TKFC: variants seen among roughly 807,000 people sequenced by gnomAD.
TKFC encodes the protein triokinase/FMN cyclase.
In TKFC, 46 loss-of-function variants were observed where a neutral mutation model predicts 61.0. The ratio of observed to expected loss-of-function variants is 0.75; its 90% CI spans 0.60 to 0.96. The LOEUF (loss-of-function observed/expected upper bound fraction) is 0.96, where lower values mean the gene tolerates loss of function less well. Among genes scored for constraint, TKFC ranks in the 50% least tolerant of loss-of-function variants. The pLI is 0.00. For synonymous variants in TKFC, 314 were observed against 330.1 expected, an observed-to-expected ratio of 0.95 and a Z score of 0.53; for missense variants, 715 against 777.5, an observed-to-expected ratio of 0.92 and a Z score of 0.96.
Position 61,348,101 on chromosome 11 carries a change from C to T in TKFC, c.*1598C>T, listed in dbSNP as rs1590589238. On this transcript the variant is annotated 3_prime_UTR_variant, in exon 18 of 18. Transcript: ENST00000394900. ...CCATACGTCCCTGACCACAAGGCAT[C>T]CACGTGCACAGGAGTATGCGCCCAG... is the stretch of plus-strand genomic sequence containing the variant. 1.0e-6 allele frequency: 1 copy of T among 985,466 alleles called. No homozygotes were observed. Among genetic ancestry groups the T allele is most frequent in the East Asian group, 1.1e-4 (1 of 8,816 alleles). The allele number at this position is 985,466 out of a possible 1,614,324, so 61.0% of individuals were successfully genotyped here.
At position 61,339,401 on chromosome 11, in the gene TKFC, G is replaced by A. The variant is rs765055346; in HGVS notation, c.452G>A (p.Arg151Gln). The change falls in exon 5 of 18, where the codon CGG (arginine) becomes CAG (glutamine). Residue 151 changes from arginine to glutamine, a missense_variant. Transcript: ENST00000394900. Reference sequence around the variant, plus strand: ...TTCACTGTCCTGAAGAAGGCAGGCCGGCGGGGGCTGTGCGGCACGGTGCTT... The same window carrying A: ...TTCACTGTCCTGAAGAAGGCAGGCCAGCGGGGGCTGTGCGGCACGGTGCTT... ...SAFTVLKKAG[R>Q]RGLCGTVLIH... 15 of 1,612,920 alleles carry A rather than the reference G, an allele frequency of 9.3e-6. No homozygotes were observed. Among genetic ancestry groups the A allele is most frequent in the East Asian group, 8.9e-5 (4 of 44,894 alleles).
chr11:61,347,584 T>A lies in TKFC; in HGVS notation c.*1081T>A, dbSNP rs973207842. On this transcript the variant is annotated 3_prime_UTR_variant, in exon 18 of 18. Coordinates refer to ENST00000394900, the MANE Select transcript of TKFC (RefSeq NM_015533.4). Reference sequence around the variant, plus strand: ...AAGAAACTGCAGCCAAGCCAGCCCCTAGGTCTCTTTCTAGAGCGATCACTG... The same window carrying A: ...AAGAAACTGCAGCCAAGCCAGCCCCAAGGTCTCTTTCTAGAGCGATCACTG... 28 of 982,910 alleles carry A rather than the reference T, an allele frequency of 2.8e-5. No individual in the cohort carries two copies. The highest frequency in any genetic ancestry group is 3.3e-5 in the Non-Finnish European group (27 of 829,908). The allele number at this position is 982,910 out of a possible 1,614,324, so 60.9% of individuals were successfully genotyped here. A position where few individuals can be genotyped will look rare whatever the true frequency, so the allele number is the denominator to read the frequency against.
rs779478150 is a variant in TKFC, at chr11:61,339,407, G to A, written c.458G>A (p.Gly153Glu). 6.2e-7 allele frequency: 1 copy of A among 1,612,878 alleles called. No individual in the cohort carries two copies. The highest frequency in any genetic ancestry group is 8.5e-7 in the Non-Finnish European group (1 of 1,179,778). Reference protein sequence around the residue: ...FTVLKKAGRRGLCGTVLIHKV... With the variant: ...FTVLKKAGRRELCGTVLIHKV... ...GTCCTGAAGAAGGCAGGCCGGCGGGGGCTGTGCGGCACGGTGCTTATACAC... is the reference window on the plus strand; with the variant it reads ...GTCCTGAAGAAGGCAGGCCGGCGGGAGCTGTGCGGCACGGTGCTTATACAC... Residue 153 changes from glycine (G) to glutamate (E), a missense_variant, in exon 5 of 18, where the codon GGG becomes GAG. Physicochemically the swap from Gly to Glu is moderately conservative, Grantham distance 98. Transcript: ENST00000394900.
chr11:61,349,608 GA>G (rs1361369353), downstream of TKFC: 1 of 702,994 alleles, frequency 1.4e-6, no homozygotes, highest in Non-Finnish European at 2.6e-6. Context: ...AAGTCACAGG[GA>G]AAGGCCGGGA....
At chr11:61,342,134 C>T (rs1258265899) in intron 7 of TKFC, among the ~76,000 whole-genome samples, 1 of 152,222 alleles carries the variant, frequency 6.6e-6, no homozygotes, top group African/African-American at 2.4e-5. Flanking sequence ...CACTGCCCAC[C>T]TCCTAGCCTT....
intron 6 of TKFC, 102 bp from the exon 7 acceptor site, chr11:61,341,721 G>T: frequency 7.6e-7 from 1 of 1,315,218 alleles, no homozygotes; most frequent in Non-Finnish European, 1.1e-6. Flanking sequence ...TCTCAGAGAA[G>T]AGGGTACCTG....
At chr11:61,341,407 C>A (rs1379578752) in intron 5 of TKFC, 29 bp from the exon 6 acceptor site, 5 of 1,551,464 alleles carry the variant, frequency 3.2e-6, no homozygotes, top group Non-Finnish European at 4.4e-6. Context: ...ACCCTCCCCC[C>A]TGGGGCTTTT....
chr11:61,347,086 C>T lies in TKFC; in HGVS notation c.*583C>T. 1 of 985,756 alleles carries T rather than the reference C, an allele frequency of 1.0e-6. No homozygotes were observed. Among genetic ancestry groups the T allele is most frequent in the Non-Finnish European group, 1.2e-6 (1 of 830,230 alleles). The allele number at this position is 985,756 out of a possible 1,614,324, so 61.1% of individuals were successfully genotyped here. A position where few individuals can be genotyped will look rare whatever the true frequency, so the allele number is the denominator to read the frequency against. ...GGCTGCTTCCACTGAGACCCCCGAC[C>T]CATCCCCTTTCCAGTACACACACCT... On this transcript the variant is annotated 3_prime_UTR_variant, in exon 18 of 18. Coordinates refer to ENST00000394900, the MANE Select transcript of TKFC (RefSeq NM_015533.4).
rs1423693676 is a variant in TKFC, at chr11:61,341,509, C to T, written c.560C>T (p.Ala187Val). The change falls in exon 6 of 18, where the codon GCC (alanine) becomes GTC (valine). Residue 187 changes from alanine to valine, a missense_variant. Coordinates refer to ENST00000394900, the MANE Select transcript of TKFC (RefSeq NM_015533.4). ...AAGCAGGTGAACGTGGTCGCCAAGG[C>T]CATGGGTGAGTGCTGGCCTGGGAGC... The part of the protein sequence containing the change: ...IAKQVNVVAK[A>V]MGTLGVSLSS... 1 of 1,554,594 alleles carries T rather than the reference C, an allele frequency of 6.4e-7. No homozygotes were observed. The highest frequency in any genetic ancestry group is 1.9e-5 in the Admixed American group (1 of 51,302).
At chr11:61,341,766 C>A in intron 6 of TKFC, 57 bp from the exon 7 acceptor site, 1 of 1,523,810 alleles carries the variant, frequency 6.6e-7, no homozygotes, top group Non-Finnish European at 9.1e-7. Context: ...TGCCACCCTT[C>A]CTGATGCCCA....
In TKFC at chr11:61,346,398, C is replaced by T. The variant is rs765080236; in HGVS notation, c.1623C>T (p.Ala541=). 1.8e-5 allele frequency: 29 copies of T among 1,612,490 alleles called. No individual in the cohort carries two copies. The highest frequency in any genetic ancestry group is 1.6e-4 in the Middle Eastern group (1 of 6,084). The change falls in exon 18 of 18, where the codon GCC becomes GCT. Residue 541 remains alanine (A), a synonymous_variant. Coordinates refer to ENST00000394900, the MANE Select transcript of TKFC (RefSeq NM_015533.4). The surrounding 1 kb of genome is among the most constrained non-coding windows in gnomAD (Gnocchi z 4.1). ...CCACCAAGAATATGGAAGCTGGAGC[C>T]GGAAGAGCCAGTTATATCAGCTCAG... ...AEATKNMEAG[A]GRASYISSAR...
Position 61,339,146 on chromosome 11 carries a change from G to A in TKFC, c.274G>A (p.Ala92Thr), listed in dbSNP as rs1399928141. Residue 92 changes from alanine (A) to threonine (T), a missense_variant, in exon 4 of 18, where the codon GCC becomes ACC. Ala to Thr is a moderately conservative substitution (Grantham distance 58). Transcript: ENST00000394900. ...TSPAVGSILA[A>T]IRAVAQAGTV... is the part of the protein sequence containing the mutation. Reference sequence around the variant, plus strand: ...CCCGGCAGTGGGCAGCATCCTGGCAGCCATCAGGGCCGTGGCCCAGGCCGG... The same window carrying A: ...CCCGGCAGTGGGCAGCATCCTGGCAACCATCAGGGCCGTGGCCCAGGCCGG... 2.5e-6 allele frequency: 4 copies of A among 1,613,806 alleles called. No individual in the cohort carries two copies. In the South Asian group the frequency reaches 4.4e-5, roughly 18 times the overall value.
chr11:61,337,927 C>T lies in TKFC; in HGVS notation c.4-14C>T, dbSNP rs374861388. The stretch of plus-strand genomic sequence containing the variant: ...TGACCACATTCTGACCTCCTTCTCA[C>T]TCCTCCCTTGCAGACCTCCAAGAAG... On this transcript the variant is annotated splice_polypyrimidine_tract_variant and intron_variant, in intron 2 of 17. Coordinates refer to ENST00000394900, the MANE Select transcript of TKFC (RefSeq NM_015533.4). 3.1e-6 allele frequency: 5 copies of T among 1,593,192 alleles called. No homozygotes were observed. In the African/African-American group the frequency reaches 5.4e-5, roughly 17 times the overall value.
At chr11:61,350,500 C>G, downstream of TKFC, 1 of 1,563,168 alleles carries the variant, frequency 6.4e-7, no homozygotes, top group East Asian at 2.3e-5. Context: ...TCAGACAGAC[C>G]CCCAGCCTGC....
chr11:61,343,671 C>T lies in TKFC; in HGVS notation c.983-185C>T, dbSNP rs1291205356. ...CCTCCTCAGAGAGGCCTGACCCTTT[C>T]CCAGGGACCCTCTCTCCATACCCCT... is the stretch of plus-strand genomic sequence containing the variant. On this transcript the variant is annotated intron_variant, in intron 11 of 17. Coordinates refer to ENST00000394900, the MANE Select transcript of TKFC (RefSeq NM_015533.4). The T allele has an allele frequency of 1.2e-5, 12 of 981,486 alleles. No homozygotes were observed. The Admixed American group carries it at 1.6e-4, about 13-fold the overall frequency. The allele number at this position is 981,486 out of a possible 1,614,324, so 60.8% of individuals were successfully genotyped here.
rs149676367 is a variant in TKFC at position 61,343,423 on chromosome 11, T to A, written c.947T>A (p.Leu316His). The A allele has an allele frequency of 9.5e-5, 154 of 1,614,030 alleles. No individual in the cohort carries two copies. The highest frequency in any genetic ancestry group is 1.2e-4 in the Non-Finnish European group (147 of 1,179,994). The change falls in exon 11 of 18, where the codon CTC becomes CAC. Residue 316 changes from leucine (L) to histidine (H), a missense_variant. Transcript: ENST00000394900. ...ALEMPGISLT[L>H]LLVDEPLLKL... ...GAGATGCCTGGCATTTCTCTCACCC[T>A]CCTGCTGGTGGATGAGCCTCTCCTG...
At chr11:61,345,772 C>A (rs1271785564) in intron 16 of TKFC, 27 bp downstream of exon 16, 9 of 1,614,238 alleles carry the variant, frequency 5.6e-6, no homozygotes, top group Non-Finnish European at 7.6e-6. Flanking sequence ...TGGCCTCAGA[C>A]CTTTCTCCTT....
downstream of TKFC, chr11:61,350,453 A>G (rs1299299564): frequency 6.2e-7 from 1 of 1,609,770 alleles, no homozygotes; most frequent in Non-Finnish European, 8.5e-7. Context: ...CCAGGAGTTA[A>G]TGACATGATG....
In TKFC at chr11:61,348,051, C is replaced by T. The variant is rs1857227741; in HGVS notation, c.*1548C>T. The T allele has an allele frequency of 1.0e-6, 1 of 985,432 alleles. No individual in the cohort carries two copies. The highest frequency in any genetic ancestry group is 1.2e-6 in the Non-Finnish European group (1 of 829,960). 61.0% of individuals were successfully genotyped at this position (985,432 alleles called of 1,614,324 possible). On this transcript the variant is annotated 3_prime_UTR_variant, in exon 18 of 18. Coordinates refer to ENST00000394900, the MANE Select transcript of TKFC (RefSeq NM_015533.4). ...CTCCCCGAGTGCCTGGGCTTCTCTACCCAGGGTCCTGTCTGTCGGCTGCAC... is the reference window on the plus strand; with the variant it reads ...CTCCCCGAGTGCCTGGGCTTCTCTATCCAGGGTCCTGTCTGTCGGCTGCAC...
Sources: allele counts gnomAD v4.1 joint callset (sites outside exome capture counted in the v4.1 genomes callset), GRCh38; gene constraint gnomAD v4.1.1; non-coding constraint Gnocchi (gnomAD v3.1); transcripts MANE v1.5; gene names NCBI Gene and HGNC (gene_info 2026-07-23, HGNC 2026-07-21).